E2F2: variants seen among roughly 807,000 people sequenced by gnomAD.
E2F2 encodes E2F transcription factor 2.
A neutral mutation model predicts 42.2 loss-of-function variants in E2F2; 22 were observed. The ratio of observed to expected loss-of-function variants is 0.52; its 90% confidence interval spans 0.37 to 0.74. The LOEUF (loss-of-function observed/expected upper bound fraction) is 0.74, where lower values mean the gene tolerates loss of function less well. Among genes scored for constraint, E2F2 ranks in the 30% least tolerant of loss-of-function variants. The pLI, the probability that E2F2 is intolerant of heterozygous loss-of-function variation, is 0.00. For missense variants in E2F2, 481 were observed against 557.8 expected (o/e 0.86, Z 1.39); for synonymous variants, 248 against 251.6 (o/e 0.99, Z 0.13).
intron 1 of E2F2, among the ~76,000 whole-genome samples, chr1:23,526,280 AC>A (rs1643248810): frequency 6.6e-6 from 1 of 152,116 alleles, no homozygotes; most frequent in Non-Finnish European, 1.5e-5. Context: ...CATGCCCTGA[AC>A]CACGCCCCAA....
intron 6 of E2F2, among the ~76,000 whole-genome samples, chr1:23,513,844 C>T (rs1023130752): frequency 1.3e-5 from 2 of 151,978 alleles, no homozygotes; most frequent in African/African-American, 4.8e-5. Context: ...TCACACCCGG[C>T]TGGGCTCGGT....
Position 23,530,478 on chromosome 1 carries a change from CCCCT to C in E2F2, c.252+60_252+63del. On this transcript the variant is annotated intron_variant, in intron 1 of 6. Coordinates refer to ENST00000361729, the MANE Select transcript of E2F2 (RefSeq NM_004091.4). This position sits in a 1 kb window ranked among gnomAD's most constrained non-coding sequence, Gnocchi z 4.4. ...CTCCACTCAAACTGGATCTCAGGCA[CCCCT>C]CCCTCCTTTCCCACACCTGGAAAAG... The C allele has an allele frequency of 6.3e-7, 1 of 1,582,262 alleles. No homozygotes were observed. Among genetic ancestry groups the C allele is most frequent in the Non-Finnish European group, 8.6e-7 (1 of 1,166,132 alleles).
intron 2 of E2F2, 40 bp from the exon 3 acceptor site, chr1:23,522,096 A>AGGGTCCTGGGC: frequency 6.3e-7 from 1 of 1,597,532 alleles, no homozygotes; most frequent in Non-Finnish European, 8.6e-7. Flanking sequence ...CAGGGAGGGG[A>AGGGTCCTGGGC]GGGCCCGCCC....
chr1:23,512,005 C>T (rs1163910869), intron 6 of E2F2, among the ~76,000 whole-genome samples: 1 of 152,080 alleles, frequency 6.6e-6, no homozygotes, highest in East Asian at 1.9e-4. Context: ...CGAGACCAGC[C>T]TGGCCAACAT....
At chr1:23,514,539 G>A (rs1321834987) in intron 6 of E2F2, among the ~76,000 whole-genome samples, 3 of 151,964 alleles carry the variant, frequency 2.0e-5, no homozygotes, top group African/African-American at 7.3e-5. Flanking sequence ...GTTAGTTGGG[G>A]ACAGCAAACT....
Position 23,521,994 on chromosome 1 carries a change from A to G in E2F2, c.421T>C (p.Phe141Leu). ...DTSLGLLTKKFIYLLSESEDG... is the reference protein window; with the variant it reads ...DTSLGLLTKKLIYLLSESEDG... ...TCTGACTCGCTCAGGAGGTAAATGAACTTCTTGGTGAGCAGCCCCAGCGAA... is the reference window on the plus strand; with the variant it reads ...TCTGACTCGCTCAGGAGGTAAATGAGCTTCTTGGTGAGCAGCCCCAGCGAA... The change falls in exon 3 of 7, where the codon TTC becomes CTC. Residue 141 changes from phenylalanine to leucine, a missense_variant. Physicochemically the swap from Phe to Leu is conservative, Grantham distance 22. Coordinates refer to ENST00000361729, the MANE Select transcript of E2F2 (RefSeq NM_004091.4). 1 of 1,613,708 alleles carries G rather than the reference A, an allele frequency of 6.2e-7. No homozygotes were observed. The highest frequency in any genetic ancestry group is 1.1e-5 in the South Asian group (1 of 91,034).
At chr1:23,516,671 C>T in intron 5 of E2F2, 144 bp from the exon 6 acceptor site, 2 of 607,082 alleles carry the variant, frequency 3.3e-6, no homozygotes, top group South Asian at 4.8e-5. Flanking sequence ...TCCATCTGGC[C>T]TAACTAAGGT....
chr1:23,514,050 G>A (rs1642966441), intron 6 of E2F2, among the ~76,000 whole-genome samples: 1 of 151,998 alleles, frequency 6.6e-6, no homozygotes, highest in Admixed American at 6.6e-5. Context: ...CTTGAACTTG[G>A]GAGGCGGAGG....
In E2F2 at chr1:23,530,426, T is replaced by C. The variant is rs1162579446; in HGVS notation, c.252+116A>G. The C allele has an allele frequency of 2.9e-6, 4 of 1,395,566 alleles. No individual in the cohort carries two copies. In the African/African-American group the frequency reaches 5.8e-5, roughly 20 times the overall value. The allele number at this position is 1,395,566 out of a possible 1,614,324, so 86.4% of individuals were successfully genotyped here. Reference sequence around the variant, plus strand: ...CTGGGTCCTGGAAACTGAAAGCTCATCTTCCCTCTTCCCAAAACTCTACCT... The same window carrying C: ...CTGGGTCCTGGAAACTGAAAGCTCACCTTCCCTCTTCCCAAAACTCTACCT... On this transcript the variant is annotated intron_variant, in intron 1 of 6. Transcript: ENST00000361729. The surrounding 1 kb of genome is among the most constrained non-coding windows in gnomAD (Gnocchi z 4.4).
chr1:23,519,824 C>T (rs1444115489), intron 4 of E2F2, among the ~76,000 whole-genome samples: 3 of 151,882 alleles, frequency 2.0e-5, no homozygotes, highest in Admixed American at 6.6e-5. Flanking sequence ...ACTCCTGTAA[C>T]CCTAGCACTT....
Position 23,506,863 on chromosome 1 carries a change from G to C in E2F2, c.*3017C>G, listed in dbSNP as rs1461483482. The C allele has an allele frequency of 6.6e-6, 1 of 152,314 alleles. No individual in the cohort carries two copies. Among genetic ancestry groups the C allele is most frequent in the Non-Finnish European group, 1.5e-5 (1 of 68,112 alleles). The allele number at this position is 152,314 out of a possible 1,614,324, so 9.4% of individuals were successfully genotyped here. ...TGGAGGTTGAGAACACTTGGGGAGG[G>C]AGAACAAAGTCAGAACCATCCTAAA... On this transcript the variant is annotated 3_prime_UTR_variant, in exon 7 of 7. Transcript: ENST00000361729.
chr1:23,528,896 G>T (rs907599215), intron 1 of E2F2, among the ~76,000 whole-genome samples: 1 of 152,144 alleles, frequency 6.6e-6, no homozygotes, highest in African/African-American at 2.4e-5. Context: ...AAAAGTCAAG[G>T]CTACATAGAG....
chr1:23,518,462 C>A (rs1165869759), intron 5 of E2F2, among the ~76,000 whole-genome samples: 2 of 146,924 alleles, frequency 1.4e-5, no homozygotes, highest in African/African-American at 4.9e-5. Flanking sequence ...CAGAGTGAGA[C>A]TCTGTCTCAA....
Position 23,519,036 on chromosome 1 carries a change from C to T in E2F2, c.832G>A (p.Glu278Lys), listed in dbSNP as rs1237252648. Residue 278 changes from glutamate to lysine, a missense_variant, in exon 5 of 7, where the codon GAA (glutamate) becomes AAA (lysine). Transcript: ENST00000361729. The stretch of plus-strand genomic sequence containing the variant: ...CTCACCTCAGTCCTGTCGGGCACTT[C>T]CAGTCTCGTCTGCGGAGGGGCCTTG... ...AVKAPPQTRL[E>K]VPDRTEDNLQ... 1 of 1,614,010 alleles carries T rather than the reference C, an allele frequency of 6.2e-7. No individual in the cohort carries two copies. Among genetic ancestry groups the T allele is most frequent in the East Asian group, 2.2e-5 (1 of 44,886 alleles).
Position 23,516,482 on chromosome 1 carries a change from C to A in E2F2, c.898G>T (p.Val300Phe), listed in dbSNP as rs1462862526. The A allele has an allele frequency of 6.2e-7, 1 of 1,610,078 alleles. No homozygotes were observed. The highest frequency in any genetic ancestry group is 2.2e-5 in the East Asian group (1 of 44,486). The change falls in exon 6 of 7, where the codon GTC (valine) becomes TTC (phenylalanine). Residue 300 changes from valine to phenylalanine, a missense_variant. Transcript: ENST00000361729. Reference sequence around the variant, plus strand: ...TGCACCTCCTCTGGGCACAGGTAGACTTCGATGGGCCCTTGGGTGCTCTTG... The same window carrying A: ...TGCACCTCCTCTGGGCACAGGTAGAATTCGATGGGCCCTTGGGTGCTCTTG... ...YLKSTQGPIEVYLCPEEVQEP... is the reference protein window; with the variant it reads ...YLKSTQGPIEFYLCPEEVQEP...
rs2811976 is a variant in E2F2, at chr1:23,524,599, C to T, written c.253-111G>A. ...CCACTTAGCAGCCACCTCTGTGCCTCAGTTTACCGCCAGTCCTGGTGAAGC... is the reference window on the plus strand; with the variant it reads ...CCACTTAGCAGCCACCTCTGTGCCTTAGTTTACCGCCAGTCCTGGTGAAGC... On this transcript the variant is annotated intron_variant, in intron 1 of 6. Transcript: ENST00000361729. The T allele has an allele frequency of 3.5e-3, 2,946 of 838,446 alleles. 55 individuals are homozygous for T. In the African/African-American group the frequency reaches 0.042, roughly 12 times the overall value. The allele number at this position is 838,446 out of a possible 1,614,324, so 51.9% of individuals were successfully genotyped here. A position where few individuals can be genotyped will look rare whatever the true frequency, so the allele number is the denominator to read the frequency against.
At chr1:23,515,251 T>G (rs1192756671) in intron 6 of E2F2, among the ~76,000 whole-genome samples, 1 of 152,246 alleles carries the variant, frequency 6.6e-6, no homozygotes, top group Non-Finnish European at 1.5e-5. Context: ...AGAGGGGCCT[T>G]TACAGGCTTC....
rs1416595968 is a variant in E2F2, at chr1:23,508,822, A to G, written c.*1058T>C. The G allele has an allele frequency of 6.6e-6, 1 of 152,042 alleles. No homozygotes were observed. The highest frequency in any genetic ancestry group is 1.5e-5 in the Non-Finnish European group (1 of 68,078). The allele number at this position is 152,042 out of a possible 1,614,324, so 9.4% of individuals were successfully genotyped here. A position where few individuals can be genotyped will look rare whatever the true frequency, so the allele number is the denominator to read the frequency against. ...ATTCCTCCCAGGGAAGCAGAGAATG[A>G]TGCCAGTGCCACATGGGGGGCAGAG... is the stretch of plus-strand genomic sequence containing the variant. On this transcript the variant is annotated 3_prime_UTR_variant, in exon 7 of 7. Transcript: ENST00000361729.
At chr1:23,514,833 CAAA>C (rs74604082) in intron 6 of E2F2, among the ~76,000 whole-genome samples, 5 of 46,738 alleles carry the variant, frequency 1.1e-4, no homozygotes, top group East Asian at 1.3e-3. Context: ...GAGACTGTCT[CAAA>C]AAAAAAAAAA....
Sources: allele counts gnomAD v4.1 joint callset (sites outside exome capture counted in the v4.1 genomes callset), GRCh38; gene constraint gnomAD v4.1.1; non-coding constraint Gnocchi (gnomAD v3.1); transcripts MANE v1.5; gene names NCBI Gene and HGNC (gene_info 2026-07-23, HGNC 2026-07-21).